GLIS3: variants seen among roughly 807,000 people sequenced by gnomAD.
The protein encoded by GLIS3 is zinc finger protein GLIS3.
Under a neutral mutation model 78.6 loss-of-function variants are expected in GLIS3, and 53 were observed. The observed-to-expected ratio is 0.67, with a 90% CI of 0.54 to 0.85. GLIS3 has a LOEUF of 0.85. Ranked by LOEUF, GLIS3 falls within the 40% of genes least tolerant of loss-of-function variation. GLIS3 has a pLI of 0.00. For missense variants in GLIS3, 1,703 were observed against 1,231.1 expected, an observed-to-expected ratio of 1.38 and a Z score of -5.74; for synonymous variants, 684 against 509.9, an observed-to-expected ratio of 1.34 and a Z score of -4.60.
At chr9:4,367,697 T>C in the GLIS3 span, among the ~76,000 whole-genome samples, 1 of 151,322 alleles carries the variant, frequency 6.6e-6, no homozygotes, top group African/African-American at 2.4e-5. Context: ...TTCTGTCATT[T>C]ACCTCCTTAT....
At chr9:4,294,883 A>G (rs1294725906) in intron 1 of GLIS3, among the ~76,000 whole-genome samples, 3 of 152,236 alleles carry the variant, frequency 2.0e-5, no homozygotes, top group African/African-American at 7.2e-5. Flanking sequence ...ACTGAAAAAC[A>G]TGGTGTAAGT....
the GLIS3 span, among the ~76,000 whole-genome samples, chr9:4,449,153 C>T: frequency 6.6e-6 from 1 of 152,314 alleles, no homozygotes; most frequent in African/African-American, 2.4e-5. Flanking sequence ...GCAAACGGCA[C>T]ACCAGGAGAT....
chr9:4,315,753 G>GTT (rs1817428152), intron 2 of GLIS3, among the ~76,000 whole-genome samples: 1 of 152,164 alleles, frequency 6.6e-6, no homozygotes, highest in Non-Finnish European at 1.5e-5. Context: ...ACCCAAGAGG[G>GTT]AGGTTCCTGG....
chr9:4,455,349 T>C, the GLIS3 span, among the ~76,000 whole-genome samples: 1 of 152,162 alleles, frequency 6.6e-6, no homozygotes, highest in African/African-American at 2.4e-5. Context: ...ATCCACAAGT[T>C]ATTAGTGGAG....
chr9:3,899,119 T>C (rs1179383592), intron 6 of GLIS3, among the ~76,000 whole-genome samples: 1 of 152,204 alleles, frequency 6.6e-6, no homozygotes, highest in African/African-American at 2.4e-5. Context: ...ATACTTCCTT[T>C]TATTTGCTCC....
At chr9:4,458,867 C>G in the GLIS3 span, among the ~76,000 whole-genome samples, 2 of 152,194 alleles carry the variant, frequency 1.3e-5, no homozygotes, top group Non-Finnish European at 2.9e-5. Flanking sequence ...TACAAAGACT[C>G]TAAAGTGGGA....
intron 4 of GLIS3, among the ~76,000 whole-genome samples, chr9:4,094,357 T>C (rs375892978): frequency 6.6e-5 from 10 of 152,246 alleles, no homozygotes; most frequent in Non-Finnish European, 1.3e-4. Flanking sequence ...CAATCTCCTA[T>C]GTTAGTGAAA....
At chr9:4,475,554 C>G in the GLIS3 span, among the ~76,000 whole-genome samples, 1 of 152,156 alleles carries the variant, frequency 6.6e-6, no homozygotes, top group African/African-American at 2.4e-5. Flanking sequence ...GTGTAGTATT[C>G]TGCAGCAGTG....
chr9:4,375,154 G>C, the GLIS3 span, among the ~76,000 whole-genome samples: 1 of 152,142 alleles, frequency 6.6e-6, no homozygotes, highest in African/African-American at 2.4e-5. Flanking sequence ...AATGAATTTG[G>C]AATTCTTTCA....
At chr9:4,217,934 G>A (rs1820996466) in intron 2 of GLIS3, among the ~76,000 whole-genome samples, 1 of 152,106 alleles carries the variant, frequency 6.6e-6, no homozygotes, top group Non-Finnish European at 1.5e-5. Context: ...CAAACATATG[G>A]GACTTATTTA....
At chr9:4,183,956 G>A (rs1387047851) in intron 2 of GLIS3, among the ~76,000 whole-genome samples, 4 of 152,080 alleles carry the variant, frequency 2.6e-5, no homozygotes, top group African/African-American at 9.7e-5. Flanking sequence ...TAAATTAGCT[G>A]TACTTGCAAT....
the GLIS3 span, among the ~76,000 whole-genome samples, chr9:4,364,040 T>C: frequency 6.6e-6 from 1 of 152,202 alleles, no homozygotes; most frequent in Admixed American, 6.5e-5. Flanking sequence ...ATAATCCCTA[T>C]AGAGACTTAT....
chr9:3,887,946 A>G (rs1356199512), intron 7 of GLIS3, among the ~76,000 whole-genome samples: 1 of 151,972 alleles, frequency 6.6e-6, no homozygotes, highest in Admixed American at 6.6e-5. Context: ...CAAATCTCCT[A>G]CCTTTTCTGT....
At chr9:4,069,330 C>T (rs1302608487) in intron 4 of GLIS3, among the ~76,000 whole-genome samples, 1 of 152,220 alleles carries the variant, frequency 6.6e-6, no homozygotes, top group East Asian at 1.9e-4. Flanking sequence ...GGTAGCTGAG[C>T]TATTGGATCG....
intron 2 of GLIS3, among the ~76,000 whole-genome samples, chr9:4,239,224 G>C (rs1032329912): frequency 5.4e-5 from 8 of 148,336 alleles, no homozygotes; most frequent in Non-Finnish European, 1.2e-4. Flanking sequence ...GCTAAATGAC[G>C]AGTTAATGGG....
chr9:4,008,236 C>G (rs1423567529), intron 4 of GLIS3, among the ~76,000 whole-genome samples: 1 of 152,116 alleles, frequency 6.6e-6, no homozygotes, highest in Non-Finnish European at 1.5e-5. Context: ...AGCAATACAT[C>G]CTGCTTAGCT....
At position 3,879,541 on chromosome 9, in the gene GLIS3, A is replaced by G. The variant is rs760658500; in HGVS notation, c.2183T>C (p.Val728Ala). 6.2e-7 allele frequency: 1 copy of G among 1,613,946 alleles called. No individual in the cohort carries two copies. The highest frequency in any genetic ancestry group is 1.3e-5 in the African/African-American group (1 of 74,888). ...SSRSGTAAGA[V>A]PPPHPVSHPS... ...GTGACTGACAGGATGTGGGGGTGGT[A>G]CGGCCCCAGCAGCTGTTCCACTTCG... The change falls in exon 8 of 11, where the codon GTA becomes GCA. Residue 728 changes from valine (V) to alanine (A), a missense_variant. By Grantham distance (64) the Val-to-Ala change is moderately conservative (BLOSUM62 0). Coordinates refer to ENST00000381971, the MANE Select transcript of GLIS3 (RefSeq NM_001042413.2).
intron 4 of GLIS3, among the ~76,000 whole-genome samples, chr9:4,046,329 T>C (rs1482364379): frequency 6.6e-6 from 1 of 152,122 alleles, no homozygotes; most frequent in African/African-American, 2.4e-5. Flanking sequence ...ACAGGCACAG[T>C]GCTGAGAAAA....
chr9:4,185,326 CT>C (rs1324386197), intron 2 of GLIS3, among the ~76,000 whole-genome samples: 1 of 152,132 alleles, frequency 6.6e-6, no homozygotes, highest in East Asian at 1.9e-4. Context: ...CATTATATGG[CT>C]AAACTGTATT....
Sources: gnomAD v4.1 joint callset for allele counts (sites outside exome capture counted in the v4.1 genomes callset) on GRCh38, gnomAD v4.1.1 for gene constraint, MANE v1.5 for transcripts, NCBI Gene and HGNC (gene_info 2026-07-23, HGNC 2026-07-21) for gene names.